Variants in CAND2 observed in about 807,000 individuals in gnomAD.
CAND2 encodes cullin associated and neddylation dissociated 2 (putative), also known as cullin-associated NEDD8-dissociated protein 2.
In CAND2, 62 loss-of-function variants were observed where a neutral mutation model predicts 98.9. The observed-to-expected ratio is 0.63, with a 90% confidence interval of 0.51 to 0.77. The LOEUF is 0.77. Among genes scored for constraint, CAND2 ranks in the 30% least tolerant of loss-of-function variants. CAND2 has a pLI of 0.00. For synonymous variants in CAND2, 770 were observed against 731.9 expected, an observed-to-expected ratio of 1.05 and a Z score of -0.84; for missense variants, 1,501 against 1,655.2, an observed-to-expected ratio of 0.91 and a Z score of 1.62.
At chr3:12,811,130 G>T (rs1274850371) in intron 5 of CAND2, among the ~76,000 whole-genome samples, 1 of 152,132 alleles carries the variant, frequency 6.6e-6, no homozygotes, top group Admixed American at 6.5e-5. Context: ...GGGGTGGGGG[G>T]GGGAACCCCA....
intron 11 of CAND2, among the ~76,000 whole-genome samples, chr3:12,822,075 T>A (rs1212162753): frequency 6.6e-6 from 1 of 152,166 alleles, no homozygotes; most frequent in Non-Finnish European, 1.5e-5. Context: ...TGCCAAATGG[T>A]GACTTTCTAG....
Position 12,815,335 on chromosome 3 carries a change from A to G in CAND2, c.1201A>G (p.Ile401Val), listed in dbSNP as rs750146696. ...NVKADVFTAY[I>V]VLLRQTQPPK... ...CAAGGCTGACGTCTTCACTGCTTACATCGTGCTGCTGCGGCAAACACAGCC... is the reference window on the plus strand; with the variant it reads ...CAAGGCTGACGTCTTCACTGCTTACGTCGTGCTGCTGCGGCAAACACAGCC... Residue 401 changes from isoleucine to valine, a missense_variant, in exon 8 of 15, where the codon ATC (isoleucine) becomes GTC (valine). Physicochemically the swap from Ile to Val is conservative, Grantham distance 29. Around this residue, in one of 3 missense-constraint regions of CAND2, gnomAD observed 1,427 missense variants for 1,545.3 expected, o/e 0.92. Transcript: ENST00000456430. The surrounding 1 kb of genome is among the most constrained non-coding windows in gnomAD (Gnocchi z 5.7). The G allele has an allele frequency of 1.9e-5, 30 of 1,613,884 alleles. No individual in the cohort carries two copies. Among genetic ancestry groups the G allele is most frequent in the South Asian group, 6.6e-5 (6 of 91,090 alleles).
intron 13 of CAND2, 104 bp downstream of exon 13, chr3:12,827,708 C>T: frequency 9.3e-7 from 1 of 1,078,080 alleles, no homozygotes; most frequent in South Asian, 1.9e-5. Flanking sequence ...TCCAGGCACC[C>T]AATGAAAATA....
In CAND2 at chr3:12,827,562, G is replaced by A. The variant is rs766387392; in HGVS notation, c.3333G>A (p.Leu1111=). 3 of 1,613,770 alleles carry A rather than the reference G, an allele frequency of 1.9e-6. No individual in the cohort carries two copies. The highest frequency in any genetic ancestry group is 2.5e-6 in the Non-Finnish European group (3 of 1,179,884). Reference sequence around the variant, plus strand: ...GCCAGCTGGATATCTGTGAGTTCCTGAACCATGTGGAGGACGGGCTGAAGG... The same window carrying A: ...GCCAGCTGGATATCTGTGAGTTCCTAAACCATGTGGAGGACGGGCTGAAGG... The part of the protein sequence containing the change: ...CLGQLDICEF[L]NHVEDGLKDH... The change falls in exon 13 of 15, where the codon CTG becomes CTA. Residue 1111 remains leucine (L), a synonymous_variant. Transcript: ENST00000456430.
chr3:12,815,439 C>A lies in CAND2; in HGVS notation c.1299+6C>A, dbSNP rs140978687. ...TCCATATGCTACGTGGACAGGTGGG[C>A]GTGCCTTCACCTCCACCCCTACCCC... On this transcript the variant is annotated splice_donor_region_variant and intron_variant, in intron 8 of 14. Coordinates refer to ENST00000456430, the MANE Select transcript of CAND2 (RefSeq NM_001162499.2). The surrounding 1 kb of genome is among the most constrained non-coding windows in gnomAD (Gnocchi z 5.7). 8.7e-6 allele frequency: 14 copies of A among 1,602,396 alleles called. No homozygotes were observed. The African/African-American group carries it at 1.1e-4, about 12-fold the overall frequency.
intron 9 of CAND2, 105 bp from the exon 10 acceptor site, chr3:12,816,269 G>C (rs2061899909): frequency 1.7e-6 from 2 of 1,159,104 alleles, no homozygotes; most frequent in Admixed American, 2.3e-5. Context: ...GAGTTTAGGT[G>C]CTTCAGTCCA....
At chr3:12,802,650 A>G (rs1351992693) in intron 1 of CAND2, among the ~76,000 whole-genome samples, 1 of 152,248 alleles carries the variant, frequency 6.6e-6, no homozygotes, top group Non-Finnish European at 1.5e-5. Context: ...TGTCACACAT[A>G]TGTGGGTCTC....
chr3:12,806,749 T>C (rs2061809082), intron 2 of CAND2, among the ~76,000 whole-genome samples: 1 of 152,230 alleles, frequency 6.6e-6, no homozygotes. Context: ...CTACAGATCC[T>C]GGCTCAGTAG....
At chr3:12,809,956 A>G (rs1479356111) in intron 4 of CAND2, 103 bp from the exon 5 acceptor site, 7 of 1,314,450 alleles carry the variant, frequency 5.3e-6, no homozygotes, top group Non-Finnish European at 6.9e-6. Context: ...TTGAGTTGCC[A>G]TAATCCTGGG....
Position 12,813,049 on chromosome 3 carries a change from G to T in CAND2, c.817G>T (p.Glu273Ter), listed in dbSNP as rs770287214. Residue 273 changes from glutamate to a stop codon, truncating the protein, a stop_gained, in exon 6 of 15, where the codon GAG becomes TAG. Transcript: ENST00000456430. LOFTEE classifies it high-confidence loss of function. ...VEDFCNLDDDELRESCLQAFE... is the reference protein window; with the variant it reads ...VEDFCNLDDD ...GGATTTCTGCAACCTGGATGATGATGAGCTCCGGGAGTCCTGCCTCCAGGC... is the reference window on the plus strand; with the variant it reads ...GGATTTCTGCAACCTGGATGATGATTAGCTCCGGGAGTCCTGCCTCCAGGC... The T allele has an allele frequency of 5.7e-6, 9 of 1,583,800 alleles. No homozygotes were observed. Among genetic ancestry groups the T allele is most frequent in the Admixed American group, 3.7e-5 (2 of 54,252 alleles).
intron 5 of CAND2, 92 bp downstream of exon 5, chr3:12,810,416 A>T: frequency 3.9e-6 from 4 of 1,024,708 alleles, no homozygotes; most frequent in Non-Finnish European, 4.9e-6. Flanking sequence ...CTTGGGCCGC[A>T]GTGCAGCCAG....
intron 12 of CAND2, 135 bp from the exon 13 acceptor site, chr3:12,827,305 T>G (rs1032816032): frequency 1.8e-5 from 13 of 710,364 alleles, no homozygotes; most frequent in Non-Finnish European, 2.8e-5. Flanking sequence ...AGCAAAGGCA[T>G]GGAGACTTGA....
At chr3:12,820,961 C>A in intron 11 of CAND2, among the ~76,000 whole-genome samples, 1 of 152,178 alleles carries the variant, frequency 6.6e-6, no homozygotes, top group East Asian at 1.9e-4. Flanking sequence ...GGGCCAGGTG[C>A]GGTGGCTCTC....
intron 2 of CAND2, 173 bp from the exon 3 acceptor site, chr3:12,807,133 C>T (rs984130660): frequency 2.7e-5 from 15 of 553,500 alleles, no homozygotes; most frequent in South Asian, 1.8e-4. Context: ...GTCCCAGGAA[C>T]GATGTTGGCA....
chr3:12,825,343 C>T, intron 11 of CAND2, 127 bp from the exon 12 acceptor site: 1 of 873,958 alleles, frequency 1.1e-6, no homozygotes. Context: ...TAGATGCTCA[C>T]CACACCCAGC....
Position 12,796,754 on chromosome 3 carries a change from C to T in CAND2, c.34C>T (p.Leu12=). 1.9e-6 allele frequency: 3 copies of T among 1,590,498 alleles called. No individual in the cohort carries two copies. The highest frequency in any genetic ancestry group is 2.6e-6 in the Non-Finnish European group (3 of 1,168,454). Residue 12 remains leucine, a synonymous_variant, in exon 1 of 15, where the codon CTG becomes TTG. Transcript: ENST00000456430. ...STAAFHISSL[L]EKMTSSDKDF... ...CGCCGCCTTCCACATCTCCAGCCTCCTGGAGAAGATGACGTCCAGCGACAA... is the reference window on the plus strand; with the variant it reads ...CGCCGCCTTCCACATCTCCAGCCTCTTGGAGAAGATGACGTCCAGCGACAA...
At chr3:12,827,707 C>A (rs2062015785) in intron 13 of CAND2, 103 bp downstream of exon 13, 1 of 1,114,370 alleles carries the variant, frequency 9.0e-7, no homozygotes, top group Non-Finnish European at 1.3e-6. Flanking sequence ...CTCCAGGCAC[C>A]CAATGAAAAT....
At chr3:12,808,791 G>C (rs1227867561) in intron 4 of CAND2, among the ~76,000 whole-genome samples, 1 of 152,190 alleles carries the variant, frequency 6.6e-6, no homozygotes, top group Non-Finnish European at 1.5e-5. Context: ...GGACTTAGCT[G>C]AGTTTGGGCA....
rs544995785 is a variant in CAND2 at position 12,831,527 on chromosome 3, G to A, written c.3438G>A (p.Arg1146=). 1 of 1,613,938 alleles carries A rather than the reference G, an allele frequency of 6.2e-7. No homozygotes were observed. The highest frequency in any genetic ancestry group is 8.5e-7 in the Non-Finnish European group (1 of 1,179,972). ...TGTGTCCTGCACCTGTCCTGCAGAG[G>A]GTGGACCGACTCATTGAGCCACTAA... ...ATLCPAPVLQ[R]VDRLIEPLRA... Residue 1146 remains arginine (R), a synonymous_variant, in exon 14 of 15, where the codon AGG becomes AGA. Coordinates refer to ENST00000456430, the MANE Select transcript of CAND2 (RefSeq NM_001162499.2).
Sources: allele counts gnomAD v4.1 joint callset (sites outside exome capture counted in the v4.1 genomes callset), GRCh38; gene constraint gnomAD v4.1.1; regional missense constraint gnomAD v4.1.1; non-coding constraint Gnocchi (gnomAD v3.1); transcripts MANE v1.5; gene names NCBI Gene and HGNC (gene_info 2026-07-23, HGNC 2026-07-21).